ADAMTSL1: variants seen among roughly 807,000 people sequenced by gnomAD.
ADAMTSL1 encodes the protein ADAMTS-like protein 1.
In ADAMTSL1, 126 loss-of-function variants were observed where a neutral mutation model predicts 201.8. The observed-to-expected ratio is 0.62, with a 90% CI of 0.54 to 0.72. The LOEUF (loss-of-function observed/expected upper bound fraction) is 0.72, where lower values mean the gene tolerates loss of function less well. Among genes scored for constraint, ADAMTSL1 ranks in the 30% least tolerant of loss-of-function variants. The probability of loss-of-function intolerance (pLI) is 0.00; values close to 1 mark genes in which losing one functional copy is unlikely to be tolerated. For missense variants in ADAMTSL1, 2,679 were observed against 2,277.8 expected (o/e 1.18, Z -3.59); for synonymous variants, 1,121 against 903.4 (o/e 1.24, Z -4.32).
intron 1 of ADAMTSL1, among the ~76,000 whole-genome samples, chr9:18,140,854 G>A (rs892756994): frequency 6.6e-6 from 1 of 152,108 alleles, no homozygotes; most frequent in Non-Finnish European, 1.5e-5. Context: ...AAAGATCCCA[G>A]AATAGTTAAT....
chr9:18,328,258 C>T lies in ADAMTSL1; in HGVS notation c.207+164277C>T, dbSNP rs1023725572. ...GTGTTCTCAGCCGAATATAATGACCCGCAGTTCTTATTATATGTATGTTTA... is the reference window on the plus strand; with the variant it reads ...GTGTTCTCAGCCGAATATAATGACCTGCAGTTCTTATTATATGTATGTTTA... On this transcript the variant is annotated intron_variant, in intron 2 of 29. Coordinates refer to the ADAMTSL1 transcript ENST00000680146. 3.3e-5 allele frequency among the ~76,000 whole-genome samples: 5 copies of T among 152,146 alleles called. No individual in the cohort carries two copies. The South Asian group carries it at 6.2e-4, about 19-fold the overall frequency.
chr9:18,023,046 G>A (rs990438444), intron 1 of ADAMTSL1, among the ~76,000 whole-genome samples: 2 of 152,002 alleles, frequency 1.3e-5, no homozygotes, highest in Non-Finnish European at 2.9e-5. Flanking sequence ...CTTATCCAAT[G>A]GAATGAATGG....
intron 13 of ADAMTSL1, among the ~76,000 whole-genome samples, chr9:18,700,515 T>G (rs1349908907): frequency 6.6e-6 from 1 of 152,190 alleles, no homozygotes; most frequent in Non-Finnish European, 1.5e-5. Context: ...AATGTGCAGC[T>G]TAGGTTTAGT....
At chr9:18,158,736 G>A (rs10963479) in intron 1 of ADAMTSL1, among the ~76,000 whole-genome samples, 22,073 of 151,890 alleles carry the variant, frequency 0.15, 1,826 homozygotes, top group East Asian at 0.24. Context: ...TCTGACTTAG[G>A]ATATCAATAT....
intron 1 of ADAMTSL1, among the ~76,000 whole-genome samples, chr9:17,951,216 T>A (rs1027799419): frequency 1.3e-5 from 2 of 152,086 alleles, no homozygotes; most frequent in Non-Finnish European, 1.5e-5. Context: ...GAATTGTGGA[T>A]CTGGAAAGGT....
intron 2 of ADAMTSL1, among the ~76,000 whole-genome samples, chr9:18,201,553 C>T (rs7858076): frequency 0.024 from 3,643 of 152,018 alleles, 110 homozygotes; most frequent in African/African-American, 0.072. Context: ...TACAATATTA[C>T]GGCCTTAGAA....
chr9:18,870,123 T>A (rs1451860856), intron 23 of ADAMTSL1, among the ~76,000 whole-genome samples: 1 of 152,222 alleles, frequency 6.6e-6, no homozygotes, highest in Non-Finnish European at 1.5e-5. Context: ...CATCTGTTCA[T>A]TTATTATGAG....
intron 2 of ADAMTSL1, among the ~76,000 whole-genome samples, chr9:18,177,565 T>C (rs988422177): frequency 2.6e-5 from 4 of 152,158 alleles, no homozygotes; most frequent in African/African-American, 9.7e-5. Flanking sequence ...CACAGCTTAT[T>C]CTACTTTCCT....
chr9:18,680,821 C>T (rs922620058), intron 11 of ADAMTSL1: 6 of 372,026 alleles, frequency 1.6e-5, no homozygotes, highest in South Asian at 5.8e-5. Context: ...TGAATGATCC[C>T]GAATCTGTAA....
chr9:18,484,137 A>T (rs1821869915), intron 1 of ADAMTSL1, among the ~76,000 whole-genome samples: 1 of 152,204 alleles, frequency 6.6e-6, no homozygotes, highest in African/African-American at 2.4e-5. Context: ...TATATCAGGC[A>T]CTGTGCTAGG....
At chr9:18,149,453 CA>C (rs1462399935) in intron 1 of ADAMTSL1, among the ~76,000 whole-genome samples, 2 of 151,950 alleles carry the variant, frequency 1.3e-5, no homozygotes, top group African/African-American at 2.4e-5. Flanking sequence ...GTTAAGTTTA[CA>C]ATCTAGATAA....
At chr9:18,688,421 C>T (rs888875575) in intron 13 of ADAMTSL1, among the ~76,000 whole-genome samples, 1 of 151,094 alleles carries the variant, frequency 6.6e-6, no homozygotes, top group Non-Finnish European at 1.5e-5. Flanking sequence ...AGCCACCACA[C>T]CCAGCCGAAT....
rs183647980 is a variant in ADAMTSL1, at chr9:18,118,154, A to G, written c.88-45708A>G. On this transcript the variant is annotated intron_variant, in intron 1 of 29. Coordinates refer to the ADAMTSL1 transcript ENST00000680146. ...AAGTTATCTTTCTATTTGAAAGTCA[A>G]AAGGAATCACTTGCATCTTGATTAA... Among the ~76,000 whole-genome samples the G allele has an allele frequency of 2.2e-4, 34 of 152,314 alleles. 1 individual carries two copies. The highest frequency in any genetic ancestry group is 3.4e-3 in the Middle Eastern group (1 of 294).
intron 2 of ADAMTSL1, among the ~76,000 whole-genome samples, chr9:18,453,673 A>G (rs886295146): frequency 3.3e-5 from 5 of 152,172 alleles, no homozygotes; most frequent in African/African-American, 1.2e-4. Context: ...ACCCTAGTTT[A>G]TCACTCTTAA....
Position 18,150,626 on chromosome 9 carries a change from T to C in ADAMTSL1, c.88-13236T>C, listed in dbSNP as rs147196709. Among the ~76,000 whole-genome samples the C allele has an allele frequency of 1.8e-4, 28 of 152,092 alleles. No homozygotes were observed. The East Asian group carries it at 5.3e-3, about 29-fold the overall frequency. On this transcript the variant is annotated intron_variant, in intron 1 of 29. Transcript: ENST00000680146. ...GTGGAGAAGAGGCTTGCTCTTGCTC[T>C]CTCTGTCTTAAATATGAAGATATGA...
chr9:17,929,002 G>C (rs1055294325), intron 1 of ADAMTSL1, among the ~76,000 whole-genome samples: 1 of 151,380 alleles, frequency 6.6e-6, no homozygotes, highest in Admixed American at 6.6e-5. Flanking sequence ...TGCATGTGTG[G>C]GTGTGTGTGT....
At chr9:18,222,507 C>T (rs1830296289) in intron 2 of ADAMTSL1, among the ~76,000 whole-genome samples, 1 of 151,872 alleles carries the variant, frequency 6.6e-6, no homozygotes, top group African/African-American at 2.4e-5. Context: ...AATGCTTTCA[C>T]TTCAATCATC....
chr9:17,967,988 T>C (rs1250732618), intron 1 of ADAMTSL1, among the ~76,000 whole-genome samples: 2 of 152,150 alleles, frequency 1.3e-5, no homozygotes, highest in African/African-American at 4.8e-5. Context: ...TCATTCTCTG[T>C]TATACAACCA....
At chr9:18,254,672 C>G (rs887228884) in intron 2 of ADAMTSL1, among the ~76,000 whole-genome samples, 10 of 135,220 alleles carry the variant, frequency 7.4e-5, no homozygotes, top group African/African-American at 1.6e-4. Context: ...CCCCCGCCCC[C>G]CCCAGTACTC....
Sources: allele counts gnomAD v4.1 joint callset (sites outside exome capture counted in the v4.1 genomes callset), GRCh38; gene constraint gnomAD v4.1.1; transcripts MANE v1.5; gene names NCBI Gene and HGNC (gene_info 2026-07-23, HGNC 2026-07-21).